Variants in ATP6V1A observed in about 807,000 individuals in gnomAD.
The protein encoded by ATP6V1A is ATPase H+ transporting V1 subunit A, also known as V-type proton ATPase catalytic subunit A.
ATP6V1A carries 18 observed loss-of-function variants against 70.1 expected under a neutral mutation model. The ratio of observed to expected loss-of-function variants is 0.26; its 90% confidence interval spans 0.18 to 0.38. The LOEUF (loss-of-function observed/expected upper bound fraction) is 0.38, where lower values mean the gene tolerates loss of function less well. Among genes scored for constraint, ATP6V1A ranks in the 10% least tolerant of loss-of-function variants. The pLI is 1.00. For synonymous variants in ATP6V1A, 232 were observed against 253.8 expected (o/e 0.91, Z 0.82); for missense variants, 424 against 772.4 (o/e 0.55, Z 5.35).
intron 14 of ATP6V1A, among the ~76,000 whole-genome samples, chr3:113,808,329 G>A (rs1709302504): frequency 2.7e-5 from 3 of 112,034 alleles, no homozygotes; most frequent in African/African-American, 1.0e-4. Context: ...GTGTCACTCT[G>A]TCACTAGGCT....
At chr3:113,771,560 C>T (rs1365820575) in intron 1 of ATP6V1A, among the ~76,000 whole-genome samples, 1 of 151,266 alleles carries the variant, frequency 6.6e-6, no homozygotes, top group Non-Finnish European at 1.5e-5. Context: ...GCCTCAGCCT[C>T]CTGAATAGCT....
intron 6 of ATP6V1A, among the ~76,000 whole-genome samples, chr3:113,788,508 T>TC (rs1378189615): frequency 6.7e-6 from 1 of 148,636 alleles, no homozygotes; most frequent in East Asian, 1.9e-4. Context: ...TAATTTTTCT[T>TC]TTTTTTTTTG....
intron 8 of ATP6V1A, among the ~76,000 whole-genome samples, chr3:113,791,828 C>A (rs568836445): frequency 6.8e-6 from 1 of 148,076 alleles, no homozygotes; most frequent in Non-Finnish European, 1.5e-5. Context: ...CTCCTTCCTG[C>A]GACTGGCCAT....
At chr3:113,783,118 C>A (rs1477017493) in intron 3 of ATP6V1A, among the ~76,000 whole-genome samples, 1 of 152,088 alleles carries the variant, frequency 6.6e-6, no homozygotes, top group Non-Finnish European at 1.5e-5. Flanking sequence ...TAGAGGAATT[C>A]ATGATAACTC....
Position 113,778,734 on chromosome 3 carries a change from A to T in ATP6V1A, c.-13-7A>T. The T allele has an allele frequency of 6.7e-7, 1 of 1,488,804 alleles. No individual in the cohort carries two copies. 92.2% of individuals were successfully genotyped at this position (1,488,804 alleles called of 1,614,324 possible). ...TTATAACTTATTTATTTATTTATTT[A>T]CTATAGGTAAACTAACATTATGGAT... On this transcript the variant is annotated splice_polypyrimidine_tract_variant and splice_region_variant and intron_variant, in intron 1 of 14. Transcript: ENST00000273398.
intron 6 of ATP6V1A, 142 bp downstream of exon 6, chr3:113,786,525 T>G (rs1159348698): frequency 3.5e-6 from 3 of 855,914 alleles, no homozygotes; most frequent in East Asian, 3.2e-5. Context: ...TTAAATATTT[T>G]TATCTATTGC....
chr3:113,805,245 C>T (rs1343016799), intron 13 of ATP6V1A, 109 bp from the exon 14 acceptor site: 20 of 1,075,626 alleles, frequency 1.9e-5, no homozygotes, highest in Non-Finnish European at 2.2e-5. Context: ...AATAAATAAG[C>T]AATCTGCATA....
chr3:113,780,099 T>C (rs1020532136), intron 2 of ATP6V1A, among the ~76,000 whole-genome samples: 1 of 152,202 alleles, frequency 6.6e-6, no homozygotes, highest in East Asian at 1.9e-4. Context: ...TTATGAAATA[T>C]GATTTTTAAA....
chr3:113,747,997 A>G (rs1186492919), intron 1 of ATP6V1A, among the ~76,000 whole-genome samples: 1 of 152,182 alleles, frequency 6.6e-6, no homozygotes, highest in Non-Finnish European at 1.5e-5. Flanking sequence ...CTGTCTGCAC[A>G]TGTTTTCTGC....
At chr3:113,760,395 G>A (rs1708689425) in intron 1 of ATP6V1A, among the ~76,000 whole-genome samples, 1 of 152,212 alleles carries the variant, frequency 6.6e-6, no homozygotes, top group Non-Finnish European at 1.5e-5. Context: ...CCTGAGCACA[G>A]TTTATGAACC....
intron 1 of ATP6V1A, among the ~76,000 whole-genome samples, chr3:113,763,241 T>G (rs1232962690): frequency 6.6e-6 from 1 of 152,058 alleles, no homozygotes; most frequent in Non-Finnish European, 1.5e-5. Flanking sequence ...GCACCTGCCA[T>G]CACGCCCAGC....
At chr3:113,785,506 C>CTTTTTTTTTTTTTT (rs987781968) in intron 5 of ATP6V1A, among the ~76,000 whole-genome samples, 38 of 107,146 alleles carry the variant, frequency 3.5e-4, no homozygotes, top group Admixed American at 8.7e-4. Context: ...TTTTTCTTTT[C>CTTTTTTTTTTTTTT]TTTTTTTTTT....
intron 12 of ATP6V1A, 64 bp downstream of exon 12, chr3:113,798,510 T>C (rs575120642): frequency 1.3e-6 from 2 of 1,491,964 alleles, no homozygotes; most frequent in African/African-American, 2.8e-5. Flanking sequence ...CAAGGACAGA[T>C]AGAGCCTTGG....
intron 1 of ATP6V1A, among the ~76,000 whole-genome samples, chr3:113,751,187 T>TA (rs1559746680): frequency 6.6e-6 from 1 of 152,188 alleles, no homozygotes; most frequent in South Asian, 2.1e-4. Context: ...TTTGTCTTTT[T>TA]AAAAAAATTA....
At chr3:113,803,706 T>C (rs1383226500) in intron 13 of ATP6V1A, 29 bp downstream of exon 13, 2 of 1,535,290 alleles carry the variant, frequency 1.3e-6, no homozygotes, top group South Asian at 1.2e-5. Flanking sequence ...CTTTTTTTAT[T>C]TGAGGATTTT....
intron 11 of ATP6V1A, among the ~76,000 whole-genome samples, chr3:113,796,425 G>A (rs933468050): frequency 2.0e-5 from 3 of 152,114 alleles, no homozygotes; most frequent in Non-Finnish European, 4.4e-5. Flanking sequence ...TGGGCCTTGT[G>A]GAGAAGGCAT....
chr3:113,775,534 G>A (rs1708901254), intron 1 of ATP6V1A, among the ~76,000 whole-genome samples: 1 of 151,922 alleles, frequency 6.6e-6, no homozygotes, highest in African/African-American at 2.4e-5. Flanking sequence ...CCAGACACAA[G>A]GAACATTTAA....
chr3:113,769,409 T>C (rs1391491313), intron 1 of ATP6V1A, among the ~76,000 whole-genome samples: 3 of 152,182 alleles, frequency 2.0e-5, no homozygotes, highest in East Asian at 3.8e-4. Context: ...ATCAATTAGA[T>C]AGAATGTATT....
chr3:113,767,531 C>A (rs1394910034), intron 1 of ATP6V1A, among the ~76,000 whole-genome samples: 1 of 152,156 alleles, frequency 6.6e-6, no homozygotes, highest in African/African-American at 2.4e-5. Flanking sequence ...TCAGTTTTAC[C>A]ATTGACCATA....
Sources: allele counts gnomAD v4.1 joint callset (sites outside exome capture counted in the v4.1 genomes callset), GRCh38; gene constraint gnomAD v4.1.1; transcripts MANE v1.5; gene names NCBI Gene and HGNC (gene_info 2026-07-23, HGNC 2026-07-21).